Variants in NUP58 observed in about 807,000 individuals in gnomAD.
The protein encoded by NUP58 is nucleoporin p58/p45.
A neutral mutation model predicts 70.1 loss-of-function variants in NUP58; 17 were observed. The observed-to-expected ratio is 0.24, with a 90% confidence interval of 0.17 to 0.36. NUP58 has a LOEUF of 0.36. Ranked by LOEUF, NUP58 falls within the 10% of genes least tolerant of loss-of-function variation. The probability of loss-of-function intolerance (pLI) is 1.00; values close to 1 mark genes in which losing one functional copy is unlikely to be tolerated. For missense variants in NUP58, 644 were observed against 701.5 expected, an observed-to-expected ratio of 0.92 and a Z score of 0.93; for synonymous variants, 275 against 257.6, an observed-to-expected ratio of 1.07 and a Z score of -0.65.
intron 1 of NUP58, among the ~76,000 whole-genome samples, chr13:25,303,559 T>C (rs1026126938): frequency 6.6e-6 from 1 of 152,154 alleles, no homozygotes; most frequent in Admixed American, 6.5e-5. Context: ...TCAAGTGGGC[T>C]TTGCCAGCCC....
intron 6 of NUP58, among the ~76,000 whole-genome samples, chr13:25,316,309 C>T (rs1356262725): frequency 6.6e-6 from 1 of 151,940 alleles, no homozygotes; most frequent in Non-Finnish European, 1.5e-5. Context: ...TGTTTTGCAC[C>T]ATCTCTTCTG....
chr13:25,315,854 A>AC (rs1191660989), intron 6 of NUP58, among the ~76,000 whole-genome samples: 1 of 152,198 alleles, frequency 6.6e-6, no homozygotes, highest in African/African-American at 2.4e-5. Flanking sequence ...TAGTAGTTTA[A>AC]GAGTGTCTGC....
intron 13 of NUP58, 67 bp from the exon 14 acceptor site, chr13:25,336,867 CTT>C: frequency 2.2e-6 from 2 of 922,056 alleles, no homozygotes; most frequent in Admixed American, 3.0e-5. Context: ...CATAAAGAAT[CTT>C]TAATCTTGAA....
At chr13:25,339,866 A>G (rs2031901081) in intron 15 of NUP58, 99 bp from the exon 16 acceptor site, 1 of 1,004,912 alleles carries the variant, frequency 1.0e-6, no homozygotes, top group South Asian at 1.7e-5. Context: ...CTTACAGATT[A>G]TGTATTCTTT....
chr13:25,320,906 A>G lies in NUP58; in HGVS notation c.777-13A>G. 1 of 1,506,754 alleles carries G rather than the reference A, an allele frequency of 6.6e-7. No homozygotes were observed. The highest frequency in any genetic ancestry group is 8.9e-7 in the Non-Finnish European group (1 of 1,121,100). The allele number at this position is 1,506,754 out of a possible 1,614,324, so 93.3% of individuals were successfully genotyped here. On this transcript the variant is annotated splice_polypyrimidine_tract_variant and intron_variant, in intron 8 of 15. Transcript: ENST00000381736. Reference sequence around the variant, plus strand: ...TACATTTTTTAAAACTCAGTTTTAAATATATTTTTTAGGAAATTTGTGAAG... The same window carrying G: ...TACATTTTTTAAAACTCAGTTTTAAGTATATTTTTTAGGAAATTTGTGAAG...
intron 2 of NUP58, 149 bp downstream of exon 2, chr13:25,308,097 G>A (rs766953003): frequency 2.4e-5 from 19 of 800,982 alleles, no homozygotes; most frequent in Non-Finnish European, 3.3e-5. Context: ...CAAGGAATTG[G>A]AATTAAGGGC....
At chr13:25,319,713 G>T (rs538895008) in intron 7 of NUP58, among the ~76,000 whole-genome samples, 1 of 152,074 alleles carries the variant, frequency 6.6e-6, no homozygotes, top group East Asian at 1.9e-4. Flanking sequence ...TGCCAGTCTC[G>T]TTTTATGTCC....
At chr13:25,342,631 T>C (rs369329909), downstream of NUP58, among the ~76,000 whole-genome samples, 86 of 152,300 alleles carry the variant, frequency 5.6e-4, no homozygotes, top group South Asian at 2.9e-3. Context: ...AAGAATAATA[T>C]TGAGTAAAAA....
At chr13:25,326,812 A>C (rs2031412492) in intron 10 of NUP58, 104 bp from the exon 11 acceptor site, 1 of 549,394 alleles carries the variant, frequency 1.8e-6, no homozygotes, top group African/African-American at 1.9e-5. Flanking sequence ...GATAACCTTG[A>C]TACTTTTGAA....
In NUP58 at chr13:25,339,892, T is replaced by C. The variant is rs537923941; in HGVS notation, c.1631-73T>C. 1.7e-4 allele frequency: 211 copies of C among 1,274,728 alleles called. 1 individual carries two copies. In the East Asian group the frequency reaches 4.7e-3, roughly 28 times the overall value. The allele number at this position is 1,274,728 out of a possible 1,614,324, so 79.0% of individuals were successfully genotyped here. A position where few individuals can be genotyped will look rare whatever the true frequency, so the allele number is the denominator to read the frequency against. ...TGTATTCTTTTAGATAGAAATTTAC[T>C]GCTCCTCCCTGTTTTTATATTTGTT... On this transcript the variant is annotated intron_variant, in intron 15 of 15. Transcript: ENST00000381736.
chr13:25,335,572 G>A, intron 13 of NUP58: 1 of 982,572 alleles, frequency 1.0e-6, no homozygotes, highest in Non-Finnish European at 1.2e-6. Context: ...CAAACTGGAT[G>A]TAAAATTTTA....
intron 13 of NUP58, chr13:25,335,001 G>A: frequency 1.0e-6 from 1 of 985,166 alleles, no homozygotes; most frequent in African/African-American, 1.7e-5. Context: ...GATTTAGACT[G>A]CTTTCTAATA....
rs1363559540 is a variant in NUP58, at chr13:25,333,888, A to C, written c.1435+2330A>C. Reference sequence around the variant, plus strand: ...TCTATACAAGATTTGAGTTATCAGAAGGGTTTTGCTTTTATTTGCATATGA... The same window carrying C: ...TCTATACAAGATTTGAGTTATCAGACGGGTTTTGCTTTTATTTGCATATGA... On this transcript the variant is annotated intron_variant, in intron 13 of 15. Coordinates refer to ENST00000381736, the MANE Select transcript of NUP58 (RefSeq NM_014089.4). 4 of 985,234 alleles carry C rather than the reference A, an allele frequency of 4.1e-6. No homozygotes were observed. The African/African-American group carries it at 7.0e-5, about 17-fold the overall frequency. The allele number at this position is 985,234 out of a possible 1,614,324, so 61.0% of individuals were successfully genotyped here. A position where few individuals can be genotyped will look rare whatever the true frequency, so the allele number is the denominator to read the frequency against.
At chr13:25,306,336 C>G (rs1479174171) in intron 1 of NUP58, among the ~76,000 whole-genome samples, 1 of 145,192 alleles carries the variant, frequency 6.9e-6, no homozygotes, top group Non-Finnish European at 1.5e-5. Context: ...ACCCGGGAGC[C>G]GGAGCTTGCG....
intron 1 of NUP58, among the ~76,000 whole-genome samples, 158 bp downstream of exon 1, chr13:25,302,038 C>T (rs1020893029): frequency 1.3e-5 from 2 of 152,204 alleles, no homozygotes; most frequent in Non-Finnish European, 2.9e-5. Context: ...GTAGGCCTCT[C>T]GCCGCGGTAC....
chr13:25,323,762 C>T (rs2031283594), intron 9 of NUP58, among the ~76,000 whole-genome samples: 1 of 152,098 alleles, frequency 6.6e-6, no homozygotes, highest in African/African-American at 2.4e-5. Flanking sequence ...GTGGGGGCCG[C>T]ATGGTTTATT....
chr13:25,344,649 C>T (rs6491038), downstream of NUP58, among the ~76,000 whole-genome samples: 150,921 of 152,330 alleles, frequency 0.99, 74,781 homozygotes, highest in Middle Eastern at 1. Flanking sequence ...ACACAAAATA[C>T]GTCCTGGGGG....
intron 9 of NUP58, among the ~76,000 whole-genome samples, chr13:25,323,048 GCT>G (rs2031251505): frequency 6.6e-6 from 1 of 152,128 alleles, no homozygotes; most frequent in Non-Finnish European, 1.5e-5. Context: ...TGCATTCACC[GCT>G]GTTTGTGGAG....
At chr13:25,319,660 G>T (rs1481154326) in intron 7 of NUP58, among the ~76,000 whole-genome samples, 2 of 152,132 alleles carry the variant, frequency 1.3e-5, no homozygotes, top group African/African-American at 4.8e-5. Flanking sequence ...AACAACTCAT[G>T]GAACTTTACT....
Sources: allele counts gnomAD v4.1 joint callset (sites outside exome capture counted in the v4.1 genomes callset), GRCh38; gene constraint gnomAD v4.1.1; transcripts MANE v1.5; gene names NCBI Gene and HGNC (gene_info 2026-07-23, HGNC 2026-07-21).